The following KCND2 variants were observed in gnomAD, a reference collection of about 807,000 sequenced individuals.
KCND2 encodes potassium voltage-gated channel subfamily D member 2.
Under a neutral mutation model 54.4 loss-of-function variants are expected in KCND2, and 16 were observed. The observed-to-expected ratio is 0.29, with a 90% confidence interval of 0.20 to 0.45. KCND2 has a LOEUF of 0.45. Ranked by LOEUF, KCND2 falls within the 20% of genes least tolerant of loss-of-function variation. The pLI is 1.00. For synonymous variants in KCND2, 317 were observed against 310.7 expected (o/e 1.02, Z -0.21); for missense variants, 486 against 824.2 (o/e 0.59, Z 5.02).
At chr7:120,681,284 G>A (rs1792135164) in intron 1 of KCND2, among the ~76,000 whole-genome samples, 1 of 151,924 alleles carries the variant, frequency 6.6e-6, no homozygotes, top group African/African-American at 2.4e-5. Context: ...ACTAGCTAGG[G>A]GTATGGGGGA....
chr7:120,363,629 C>T (rs1800626767), intron 1 of KCND2, among the ~76,000 whole-genome samples: 1 of 152,106 alleles, frequency 6.6e-6, no homozygotes, highest in African/African-American at 2.4e-5. Flanking sequence ...CTCTGCTCAA[C>T]CCTTGCTCCT....
chr7:120,441,038 C>T (rs1801938482), intron 1 of KCND2, among the ~76,000 whole-genome samples: 1 of 151,832 alleles, frequency 6.6e-6, no homozygotes, highest in Non-Finnish European at 1.5e-5. Context: ...TGCAAGAACA[C>T]CTCACATTAC....
At chr7:120,316,503 C>A (rs1268162100) in intron 1 of KCND2, among the ~76,000 whole-genome samples, 6 of 152,220 alleles carry the variant, frequency 3.9e-5, no homozygotes, top group African/African-American at 1.4e-4. Context: ...CTTTCAGCAT[C>A]ACACGTGTAG....
At chr7:120,462,232 A>G (rs544599408) in intron 1 of KCND2, among the ~76,000 whole-genome samples, 3 of 151,894 alleles carry the variant, frequency 2.0e-5, no homozygotes, top group South Asian at 2.1e-4. Context: ...TTGGTATGCA[A>G]TGGTCTAAAG....
At chr7:120,628,626 A>G (rs1168707200) in intron 1 of KCND2, among the ~76,000 whole-genome samples, 2 of 152,226 alleles carry the variant, frequency 1.3e-5, no homozygotes, top group African/African-American at 4.8e-5. Flanking sequence ...TCTGTCATAA[A>G]TAAGAATACA....
At chr7:120,318,222 C>G (rs1382422971) in intron 1 of KCND2, among the ~76,000 whole-genome samples, 2 of 151,984 alleles carry the variant, frequency 1.3e-5, no homozygotes, top group African/African-American at 4.8e-5. Context: ...TTGAGTGGAC[C>G]TAAGAGTCAG....
chr7:120,400,459 T>A (rs970549425), intron 1 of KCND2, among the ~76,000 whole-genome samples: 3 of 152,226 alleles, frequency 2.0e-5, no homozygotes, highest in Non-Finnish European at 4.4e-5. Flanking sequence ...TGTGTATCTA[T>A]TGATTGTCTG....
In KCND2 at chr7:120,748,075, C is replaced by A. The variant is rs941263185; in HGVS notation, c.*217C>A. Reference sequence around the variant, plus strand: ...TGTTATACAGAGTAATATTCTGTGGCCCTTTGACTTTGTGAATGAGCACAA... The same window carrying A: ...TGTTATACAGAGTAATATTCTGTGGACCTTTGACTTTGTGAATGAGCACAA... On this transcript the variant is annotated 3_prime_UTR_variant, in exon 6 of 6. Coordinates refer to ENST00000331113, the MANE Select transcript of KCND2 (RefSeq NM_012281.3). The A allele has an allele frequency of 7.0e-6, 3 of 426,170 alleles. No homozygotes were observed. In the East Asian group the frequency reaches 1.1e-4, roughly 16 times the overall value. 26.4% of individuals were successfully genotyped at this position (426,170 alleles called of 1,614,324 possible).
chr7:120,335,121 T>C (rs1206879291), intron 1 of KCND2, among the ~76,000 whole-genome samples: 1 of 152,038 alleles, frequency 6.6e-6, no homozygotes, highest in African/African-American at 2.4e-5. Context: ...TCCCAGCACT[T>C]TGGGAGGCCA....
chr7:120,451,805 C>G (rs996988758), intron 1 of KCND2, among the ~76,000 whole-genome samples: 4 of 152,170 alleles, frequency 2.6e-5, no homozygotes, highest in African/African-American at 7.2e-5. Context: ...GTTCTCAACT[C>G]TTGATGTGCT....
chr7:120,275,810 C>A (rs762485122), intron 1 of KCND2, 63 bp downstream of exon 1: 2 of 1,526,104 alleles, frequency 1.3e-6, no homozygotes, highest in Non-Finnish European at 1.8e-6. Context: ...GTGGACCCAT[C>A]GAGGTTACAT....
At chr7:120,495,331 T>G (rs1802833930) in intron 1 of KCND2, among the ~76,000 whole-genome samples, 1 of 144,108 alleles carries the variant, frequency 6.9e-6, no homozygotes, top group African/African-American at 2.8e-5. Context: ...TAAAGCAGGA[T>G]AGAATGACAA....
In KCND2 at chr7:120,515,545, C is replaced by A. The variant is rs574653169; in HGVS notation, c.1116-217358C>A. Among the ~76,000 whole-genome samples the A allele has an allele frequency of 2.0e-4, 30 of 152,208 alleles. 1 individual carries two copies. Among genetic ancestry groups the A allele is most frequent in the Admixed American group, 5.9e-4 (9 of 15,262 alleles). ...AAAAGATTGGGAGTATTAGAACCTA[C>A]AATCTCTGAAGAAGGTTCCCGTGGA... On this transcript the variant is annotated intron_variant, in intron 1 of 5. Transcript: ENST00000331113.
chr7:120,355,175 T>G (rs1039603084), intron 1 of KCND2, among the ~76,000 whole-genome samples: 2 of 152,138 alleles, frequency 1.3e-5, no homozygotes, highest in African/African-American at 4.8e-5. Context: ...CAAAAATACC[T>G]CTACTACACC....
At chr7:120,632,008 A>G (rs370164800) in intron 1 of KCND2, among the ~76,000 whole-genome samples, 1 of 152,032 alleles carries the variant, frequency 6.6e-6, no homozygotes, top group East Asian at 1.9e-4. Context: ...AGGACTCCCA[A>G]CCCGATTTTA....
At chr7:120,623,290 G>A (rs138517661) in intron 1 of KCND2, among the ~76,000 whole-genome samples, 4 of 152,190 alleles carry the variant, frequency 2.6e-5, no homozygotes, top group Non-Finnish European at 5.9e-5. Flanking sequence ...GTATTTCATG[G>A]CATTAATAGT....
At chr7:120,314,309 G>A (rs920261562) in intron 1 of KCND2, among the ~76,000 whole-genome samples, 1 of 151,364 alleles carries the variant, frequency 6.6e-6, no homozygotes, top group African/African-American at 2.4e-5. Flanking sequence ...CCCCAGCCTG[G>A]GTGACAGAGC....
intron 1 of KCND2, among the ~76,000 whole-genome samples, chr7:120,389,768 A>G (rs1163124361): frequency 6.6e-6 from 1 of 151,972 alleles, no homozygotes; most frequent in African/African-American, 2.4e-5. Flanking sequence ...AGTTTTTAAC[A>G]TAGATTGACA....
At chr7:120,582,942 C>CTGTG (rs1218165285) in intron 1 of KCND2, among the ~76,000 whole-genome samples, 2 of 125,022 alleles carry the variant, frequency 1.6e-5, no homozygotes, top group Non-Finnish European at 3.5e-5. Flanking sequence ...TTGCATTGCT[C>CTGTG]TGTGTGTGTG....
Sources: allele counts gnomAD v4.1 joint callset (sites outside exome capture counted in the v4.1 genomes callset), GRCh38; gene constraint gnomAD v4.1.1; transcripts MANE v1.5; gene names NCBI Gene and HGNC (gene_info 2026-07-23, HGNC 2026-07-21).